DNMT1: variants seen among roughly 807,000 people sequenced by gnomAD.
DNMT1 encodes the protein DNA (cytosine-5)-methyltransferase 1.
DNMT1 carries 24 observed loss-of-function variants against 205.3 expected under a neutral mutation model. The observed-to-expected ratio is 0.12, with a 90% confidence interval of 0.08 to 0.16. The LOEUF is 0.16. Among genes scored for constraint, DNMT1 ranks in the 10% least tolerant of loss-of-function variants. DNMT1 has a pLI of 1.00. For synonymous variants in DNMT1, 817 were observed against 839.8 expected, an observed-to-expected ratio of 0.97 and a Z score of 0.47; for missense variants, 1,293 against 2,177.7, an observed-to-expected ratio of 0.59 and a Z score of 8.09.
At chr19:10,162,122 G>A (rs2038581007) in intron 13 of DNMT1, among the ~76,000 whole-genome samples, 1 of 150,940 alleles carries the variant, frequency 6.6e-6, no homozygotes, top group Non-Finnish European at 1.5e-5. Flanking sequence ...AAAGACAGGC[G>A]TGAGCCGCTG....
At chr19:10,166,857 G>C (rs1599380454) in intron 10 of DNMT1, among the ~76,000 whole-genome samples, 172 bp from the exon 11 acceptor site, 2 of 152,302 alleles carry the variant, frequency 1.3e-5, no homozygotes, top group African/African-American at 4.8e-5. Flanking sequence ...CAGGACTCAA[G>C]GTCTTCAGGA....
chr19:10,157,609 C>T (rs2038484373), intron 17 of DNMT1, among the ~76,000 whole-genome samples: 1 of 152,232 alleles, frequency 6.6e-6, no homozygotes, highest in Non-Finnish European at 1.5e-5. Context: ...GCACAGGTCT[C>T]TGGAGAGCAC....
intron 26 of DNMT1, 84 bp from the exon 27 acceptor site, chr19:10,149,101 A>G: frequency 6.4e-7 from 1 of 1,570,244 alleles, no homozygotes; most frequent in African/African-American, 1.3e-5. Context: ...AGGCGGGTGG[A>G]TCACCTAAGG....
intron 1 of DNMT1, among the ~76,000 whole-genome samples, chr19:10,183,087 ATATATACACG>A (rs1368448525): frequency 7.6e-5 from 11 of 144,888 alleles, no homozygotes; most frequent in East Asian, 6.1e-4. Flanking sequence ...GTGTGTATAT[ATATATACACG>A]TATATATACG....
intron 7 of DNMT1, among the ~76,000 whole-genome samples, chr19:10,174,897 A>G (rs748366427): frequency 1.3e-5 from 2 of 151,294 alleles, no homozygotes; most frequent in African/African-American, 2.4e-5. Flanking sequence ...CCCTACTAAA[A>G]TACAAAAATT....
At chr19:10,185,291 G>C (rs1166842953) in intron 1 of DNMT1, among the ~76,000 whole-genome samples, 3 of 152,188 alleles carry the variant, frequency 2.0e-5, no homozygotes, top group Admixed American at 2.0e-4. Flanking sequence ...CAGGCGTGGT[G>C]GTGGGCGCCT....
At position 10,156,233 on chromosome 19, in the gene DNMT1, G is replaced by A. The variant is rs765480673; in HGVS notation, c.1399+158C>T. Among the ~76,000 whole-genome samples, 3 of 150,932 alleles carry A rather than the reference G, an allele frequency of 2.0e-5. No individual in the cohort carries two copies. The highest frequency in any genetic ancestry group is 2.1e-4 in the South Asian group (1 of 4,782). Reference sequence around the variant, plus strand: ...ATGCTATATATTTTTTTTTAATAGAGGCAGGCTCTTGCTATGTTGTCCAGG... The same window carrying A: ...ATGCTATATATTTTTTTTTAATAGAAGCAGGCTCTTGCTATGTTGTCCAGG... On this transcript the variant is annotated intron_variant, in intron 18 of 40. Transcript: ENST00000359526. The surrounding 1 kb of genome is among the most constrained non-coding windows in gnomAD (Gnocchi z 4.2).
intron 1 of DNMT1, among the ~76,000 whole-genome samples, chr19:10,183,096 CG>C (rs2039110018): frequency 7.2e-6 from 1 of 138,808 alleles, no homozygotes; most frequent in African/African-American, 2.9e-5. Flanking sequence ...TATATATACA[CG>C]TATATATACG....
At chr19:10,179,325 T>TA (rs1328982469) in intron 5 of DNMT1, among the ~76,000 whole-genome samples, 8 of 151,974 alleles carry the variant, frequency 5.3e-5, no homozygotes, top group Non-Finnish European at 1.0e-4. Flanking sequence ...AACAACATTT[T>TA]TTTTTTTTTG....
intron 13 of DNMT1, 150 bp downstream of exon 13, chr19:10,162,517 G>T: frequency 2.6e-6 from 2 of 763,052 alleles, no homozygotes; most frequent in East Asian, 2.7e-5. Context: ...TGATTCACCC[G>T]CTTCAGCCTC....
intron 5 of DNMT1, among the ~76,000 whole-genome samples, chr19:10,179,659 C>T (rs1188138780): frequency 6.6e-6 from 1 of 152,112 alleles, no homozygotes; most frequent in Non-Finnish European, 1.5e-5. Flanking sequence ...TTAACTGCCC[C>T]CTTATATGCT....
chr19:10,136,317 G>A, intron 37 of DNMT1, 30 bp from the exon 38 acceptor site: 2 of 1,612,500 alleles, frequency 1.2e-6, no homozygotes, highest in Non-Finnish European at 1.7e-6. Context: ...TGAGGCTGCA[G>A]TTGTGGGATG....
rs138847616 is a variant in DNMT1 at position 10,148,588 on chromosome 19, T to C, written c.2720+296A>G. On this transcript the variant is annotated intron_variant, in intron 27 of 40. Transcript: ENST00000359526. ...AATATCTAAGAAACAGCCAAAAACA[T>C]GCAAGAGCTGGGCACACACTGAAGA... Among the ~76,000 whole-genome samples, 252 of 150,594 alleles carry C rather than the reference T, an allele frequency of 1.7e-3. 1 individual carries two copies. The highest frequency in any genetic ancestry group is 5.9e-3 in the African/African-American group (240 of 40,994).
intron 9 of DNMT1, among the ~76,000 whole-genome samples, chr19:10,171,099 C>A (rs1324109842): frequency 1.3e-5 from 2 of 152,068 alleles, no homozygotes; most frequent in African/African-American, 4.8e-5. Flanking sequence ...TGAGCCACCA[C>A]ACCCGGCCCT....
chr19:10,135,719 G>A lies in DNMT1; in HGVS notation c.4773+17C>T, dbSNP rs1430527165. The A allele has an allele frequency of 3.7e-6, 6 of 1,604,358 alleles. No homozygotes were observed. The highest frequency in any genetic ancestry group is 1.3e-5 in the African/African-American group (1 of 74,860). The stretch of plus-strand genomic sequence containing the variant: ...GCCTCCTTCCTGTCCAGACCCAGCG[G>A]GCGCCGCCCCACTGACCTGCCGGTG... On this transcript the variant is annotated intron_variant, in intron 39 of 40. Coordinates refer to ENST00000359526, the MANE Select transcript of DNMT1 (RefSeq NM_001130823.3).
chr19:10,162,043 T>C (rs1481227698), intron 13 of DNMT1, among the ~76,000 whole-genome samples: 2 of 152,000 alleles, frequency 1.3e-5, no homozygotes, highest in Non-Finnish European at 2.9e-5. Context: ...GGTTTCACCA[T>C]GTTGTCCAGG....
Position 10,138,510 on chromosome 19 carries a change from G to A in DNMT1, c.4044C>T (p.His1348=), listed in dbSNP as rs751126457. 80 of 1,613,568 alleles carry A rather than the reference G, an allele frequency of 5.0e-5. No individual in the cohort carries two copies. The highest frequency in any genetic ancestry group is 1.6e-4 in the Middle Eastern group (1 of 6,062). ...GCTGGCAGGCCCGGGGAGCAAACAC[G>A]TGCAGTGGCTCCGGGAACAGAGGGA... ...EKLPLFPEPL[H]VFAPRACQLS... The change falls in exon 35 of 41, where the codon CAC becomes CAT. Residue 1348 remains histidine (H), a synonymous_variant. Transcript: ENST00000359526. This position sits in a 1 kb window ranked among gnomAD's most constrained non-coding sequence, Gnocchi z 4.1.
Position 10,140,550 on chromosome 19 carries a change from A to T in DNMT1, c.3524-222T>A, listed in dbSNP as rs2089581576. ...ACGCCCAGCTAATTTTTGTATTCTT[A>T]TTAGAGACGGGGTTTCACCATGTTG... On this transcript the variant is annotated intron_variant, in intron 32 of 40. Transcript: ENST00000359526. The surrounding 1 kb of genome is among the most constrained non-coding windows in gnomAD (Gnocchi z 8.4). The T allele has an allele frequency of 4.4e-6, 4 of 905,924 alleles. No homozygotes were observed. The highest frequency in any genetic ancestry group is 6.7e-6 in the Non-Finnish European group (4 of 600,616). 56.1% of individuals were successfully genotyped at this position (905,924 alleles called of 1,614,324 possible). A position where few individuals can be genotyped will look rare whatever the true frequency, so the allele number is the denominator to read the frequency against.
chr19:10,147,390 G>A, intron 27 of DNMT1, among the ~76,000 whole-genome samples: 1 of 152,138 alleles, frequency 6.6e-6, no homozygotes, highest in South Asian at 2.1e-4. Flanking sequence ...GGGAGCAGAT[G>A]ACCCAAGGTC....
Sources: allele counts gnomAD v4.1 joint callset (sites outside exome capture counted in the v4.1 genomes callset), GRCh38; gene constraint gnomAD v4.1.1; non-coding constraint Gnocchi (gnomAD v3.1); transcripts MANE v1.5; gene names NCBI Gene and HGNC (gene_info 2026-07-23, HGNC 2026-07-21).